ZNF676: variants seen among roughly 807,000 people sequenced by gnomAD.
ZNF676 encodes the protein zinc finger protein 676.
Under a neutral mutation model 6.0 loss-of-function variants are expected in ZNF676, and 4 were observed. That is an observed-to-expected ratio of 0.67 (90% CI 0.33 to 1.53). The LOEUF is 1.53. Among genes scored for constraint, ZNF676 ranks in the 40% most tolerant of loss-of-function variants. ZNF676 has a pLI of 0.06. For synonymous variants in ZNF676, 198 were observed against 223.1 expected (o/e 0.89, Z 1.00); for missense variants, 644 against 679.7 (o/e 0.95, Z 0.58).
At chr19:22,236,852 C>T in the ZNF676 span, among the ~76,000 whole-genome samples, 4 of 152,294 alleles carry the variant, frequency 2.6e-5, no homozygotes, top group African/African-American at 4.8e-5. Flanking sequence ...TTCTGATTGC[C>T]GTTTAGCCTC....
At chr19:22,182,593 A>AAAAAAAACAAAAAAAC (rs1555773390) in intron 2 of ZNF676, among the ~76,000 whole-genome samples, 3 of 90,930 alleles carry the variant, frequency 3.3e-5, no homozygotes, top group Non-Finnish European at 6.3e-5. Flanking sequence ...TCTAAAAAAA[A>AAAAAAAACAAAAAAAC]AAAAAAAAAG....
chr19:22,195,819 CCAA>C lies in ZNF676; in HGVS notation c.34+778_34+780del, dbSNP rs370049089. Among the ~76,000 whole-genome samples the C allele has an allele frequency of 5.3e-3, 806 of 152,222 alleles. 5 individuals carry two copies. The highest frequency in any genetic ancestry group is 0.018 in the African/African-American group (754 of 41,540). ...GCCCATTTGCGGGGAGCTTTCACAC[CCAA>C]CATCACCTTTGATACTGGTGAATTA... is the stretch of plus-strand genomic sequence containing the variant. On this transcript the variant is annotated intron_variant, in intron 1 of 2. Transcript: ENST00000397121.
the ZNF676 span, among the ~76,000 whole-genome samples, chr19:22,254,986 G>A: frequency 6.6e-6 from 1 of 152,232 alleles, no homozygotes; most frequent in Non-Finnish European, 1.5e-5. Context: ...GTGTAAGAAT[G>A]AGATTAACGA....
upstream of ZNF676, among the ~76,000 whole-genome samples, chr19:22,217,181 C>A (rs1407679856): frequency 6.6e-6 from 1 of 151,874 alleles, no homozygotes; most frequent in Non-Finnish European, 1.5e-5. Context: ...TGCCCAGAGT[C>A]CACTATATAA....
Position 22,180,002 on chromosome 19 carries a change from G to C in ZNF676, c.1715C>G (p.Ser572Ter), listed in dbSNP as rs202067174. 12 of 1,610,372 alleles carry C rather than the reference G, an allele frequency of 7.5e-6. No homozygotes were observed. The highest frequency in any genetic ancestry group is 1.0e-5 in the Non-Finnish European group (12 of 1,178,998). ...CTTATGATAACTAACAGTTGAGGAT[G>C]ACTTAAAAGCTTTGCCACATTCTTC... ...KCEECGKAFK[S>*]SSTVSYHKKI... is the part of the protein sequence containing the mutation. Residue 572 changes from serine to a stop codon, truncating the protein, a stop_gained, in exon 3 of 3, where the codon TCA (serine) becomes TGA (stop). Transcript: ENST00000397121. LOFTEE classifies it low-confidence loss of function (END_TRUNC).
chr19:22,248,922 G>A, the ZNF676 span, among the ~76,000 whole-genome samples: 1 of 152,064 alleles, frequency 6.6e-6, no homozygotes, highest in Non-Finnish European at 1.5e-5. Context: ...TAGAGACAGG[G>A]TTTCACCATG....
At chr19:22,251,369 C>A in the ZNF676 span, among the ~76,000 whole-genome samples, 1 of 152,190 alleles carries the variant, frequency 6.6e-6, no homozygotes, top group African/African-American at 2.4e-5. Flanking sequence ...TGTTGTTACA[C>A]ACTAGTCTCA....
At chr19:22,253,444 G>GTA in the ZNF676 span, among the ~76,000 whole-genome samples, 5,845 of 92,132 alleles carry the variant, frequency 0.063, 471 homozygotes, top group African/African-American at 0.19. Flanking sequence ...ATGATAATGT[G>GTA]TATATATATA....
At chr19:22,196,275 G>C (rs1177119440) in intron 1 of ZNF676, among the ~76,000 whole-genome samples, 1 of 152,078 alleles carries the variant, frequency 6.6e-6, no homozygotes, top group Non-Finnish European at 1.5e-5. Flanking sequence ...TCACTCCCTG[G>C]TGCCATGCTC....
At chr19:22,181,852 G>A (rs1034010597) in intron 2 of ZNF676, among the ~76,000 whole-genome samples, 1 of 151,610 alleles carries the variant, frequency 6.6e-6, no homozygotes, top group African/African-American at 2.4e-5. Context: ...AGAAAAGTTT[G>A]TTAAATTTAC....
chr19:22,190,654 TATATATATATAC>T (rs1207558260), intron 2 of ZNF676, among the ~76,000 whole-genome samples: 2 of 124,656 alleles, frequency 1.6e-5, no homozygotes, highest in African/African-American at 9.1e-5. Flanking sequence ...TATATATATA[TATATATATATAC>T]ATACACACTT....
chr19:22,198,388 G>T (rs925435944), upstream of ZNF676, among the ~76,000 whole-genome samples: 8 of 152,134 alleles, frequency 5.3e-5, no homozygotes, highest in Non-Finnish European at 8.8e-5. Context: ...TTTTAAAGCA[G>T]TTAAGACAAA....
At position 22,181,622 on chromosome 19, in the gene ZNF676, A is replaced by G; in HGVS notation, c.131-36T>C. The G allele has an allele frequency of 2.1e-6, 3 of 1,439,996 alleles. No homozygotes were observed. The South Asian group carries it at 4.4e-5, about 21-fold the overall frequency. 89.2% of individuals were successfully genotyped at this position (1,439,996 alleles called of 1,614,324 possible). On this transcript the variant is annotated intron_variant, in intron 2 of 2. Transcript: ENST00000397121. ...ATAAAAATAACAAATTAATCTACAT[A>G]TTAGACTCAGATAAGTACAGTTTCC...
upstream of ZNF676, among the ~76,000 whole-genome samples, chr19:22,199,923 G>C (rs915127411): frequency 6.6e-6 from 1 of 151,942 alleles, no homozygotes; most frequent in African/African-American, 2.4e-5. Context: ...AGAAAATGTT[G>C]AACACCAGCT....
chr19:22,250,114 G>C, the ZNF676 span, among the ~76,000 whole-genome samples: 2 of 151,666 alleles, frequency 1.3e-5, no homozygotes, highest in Non-Finnish European at 2.9e-5. Context: ...CCCAGGAGGC[G>C]GAGGTTTCAG....
chr19:22,196,277 G>A (rs989183539), intron 1 of ZNF676, among the ~76,000 whole-genome samples: 4 of 152,144 alleles, frequency 2.6e-5, no homozygotes, highest in Admixed American at 6.6e-5. Context: ...ACTCCCTGGT[G>A]CCATGCTCCT....
At chr19:22,246,626 C>T in the ZNF676 span, among the ~76,000 whole-genome samples, 1 of 152,114 alleles carries the variant, frequency 6.6e-6, no homozygotes, top group African/African-American at 2.4e-5. Flanking sequence ...GGTACTGGGC[C>T]AAGTAATATG....
upstream of ZNF676, chr19:22,197,089 G>A: frequency 9.3e-6 from 2 of 214,214 alleles, no homozygotes; most frequent in Non-Finnish European, 1.8e-5. Context: ...TTGGGAGGCT[G>A]AGGTGGGCAG....
chr19:22,181,711 C>T, intron 2 of ZNF676, 125 bp from the exon 3 acceptor site: 1 of 659,540 alleles, frequency 1.5e-6, no homozygotes, highest in Non-Finnish European at 2.4e-6. Context: ...TGACACAGGC[C>T]CTAATTCTTC....
Sources: gnomAD v4.1 joint callset for allele counts (sites outside exome capture counted in the v4.1 genomes callset) on GRCh38, gnomAD v4.1.1 for gene constraint, MANE v1.5 for transcripts, NCBI Gene and HGNC (gene_info 2026-07-23, HGNC 2026-07-21) for gene names.